The following PLCXD3 variants were observed in gnomAD, a reference collection of about 807,000 sequenced individuals.
PLCXD3 encodes phosphatidylinositol specific phospholipase C X domain containing 3, also known as PI-PLC X domain-containing protein 3.
A neutral mutation model predicts 25.5 loss-of-function variants in PLCXD3; 19 were observed. That is an observed-to-expected ratio of 0.75 (90% CI 0.52 to 1.09). The LOEUF (loss-of-function observed/expected upper bound fraction) is 1.09, where lower values mean the gene tolerates loss of function less well. Ranked by LOEUF, PLCXD3 falls within the 50% of genes least tolerant of loss-of-function variation. The pLI, the probability that PLCXD3 is intolerant of heterozygous loss-of-function variation, is 0.00. For missense variants in PLCXD3, 411 were observed against 388.1 expected (o/e 1.06, Z -0.50); for synonymous variants, 174 against 137.6 (o/e 1.26, Z -1.85).
At chr5:41,403,401 G>GTTTGTTTTGTTTTTGTTT (rs1554047951) in intron 1 of PLCXD3, among the ~76,000 whole-genome samples, 16 of 18,394 alleles carry the variant, frequency 8.7e-4, no homozygotes, top group Non-Finnish European at 1.7e-3. Context: ...CTTATTTGTT[G>GTTTGTTTTGTTTTTGTTT]TTTTTTTTTT....
chr5:41,466,522 C>T (rs1390761832), intron 1 of PLCXD3, among the ~76,000 whole-genome samples: 1 of 152,012 alleles, frequency 6.6e-6, no homozygotes, highest in Non-Finnish European at 1.5e-5. Flanking sequence ...ACATATCCAT[C>T]ATCTCACTTA....
intron 1 of PLCXD3, among the ~76,000 whole-genome samples, chr5:41,401,504 T>C (rs906220075): frequency 1.3e-5 from 2 of 152,070 alleles, no homozygotes; most frequent in Non-Finnish European, 2.9e-5. Context: ...TAATTGACCA[T>C]ATGTGTATGG....
chr5:41,427,810 T>C lies in PLCXD3; in HGVS notation c.104-45276A>G, dbSNP rs138788529. On this transcript the variant is annotated intron_variant, in intron 1 of 2. Coordinates refer to ENST00000377801, the MANE Select transcript of PLCXD3 (RefSeq NM_001005473.3). ...ATCATTCACATGGGAACAACTCTTA[T>C]GGTGATTTCTCAGCCTACAATTGAA... Among the ~76,000 whole-genome samples, 400 of 152,300 alleles carry C rather than the reference T, an allele frequency of 2.6e-3. 2 individuals carry two copies. The highest frequency in any genetic ancestry group is 9.1e-3 in the African/African-American group (380 of 41,576).
At chr5:41,369,247 A>G (rs1464607350) in intron 2 of PLCXD3, among the ~76,000 whole-genome samples, 1 of 152,178 alleles carries the variant, frequency 6.6e-6, no homozygotes, top group South Asian at 2.1e-4. Flanking sequence ...CTAAGTTTTC[A>G]GGATACTTAA....
intron 2 of PLCXD3, among the ~76,000 whole-genome samples, chr5:41,314,669 A>G (rs942496720): frequency 1.3e-5 from 2 of 152,178 alleles, no homozygotes; most frequent in African/African-American, 4.8e-5. Context: ...TTGCCATGGC[A>G]CTAATGGGGT....
chr5:41,455,116 G>A (rs1032324962), intron 1 of PLCXD3, among the ~76,000 whole-genome samples: 1 of 151,906 alleles, frequency 6.6e-6, no homozygotes, highest in African/African-American at 2.4e-5. Flanking sequence ...CTTGGTACAT[G>A]AGGATCATGG....
chr5:41,465,697 C>A (rs889910346), intron 1 of PLCXD3, among the ~76,000 whole-genome samples: 4 of 151,878 alleles, frequency 2.6e-5, no homozygotes, highest in Admixed American at 2.0e-4. Flanking sequence ...TCTAAGCAGG[C>A]ATGGGGGCCA....
chr5:41,510,432 G>A lies in PLCXD3; in HGVS notation c.95C>T (p.Ala32Val). The stretch of plus-strand genomic sequence containing the variant: ...AGCCCCTGCGCGCCTACCTGGAATG[G>A]CTAAATTGGTGAGGGGGATGCTGTG... The part of the protein sequence containing the change: ...SMHSIPLTNL[A>V]IPGSHDSFSF... Residue 32 changes from alanine to valine, a missense_variant, in exon 1 of 3, where the codon GCC becomes GTC. By Grantham distance (64) the Ala-to-Val change is moderately conservative. Transcript: ENST00000377801. 6.2e-7 allele frequency: 1 copy of A among 1,608,586 alleles called. No homozygotes were observed. Among genetic ancestry groups the A allele is most frequent in the Non-Finnish European group, 8.5e-7 (1 of 1,177,424 alleles).
chr5:41,493,593 C>G (rs1234631706), intron 1 of PLCXD3, among the ~76,000 whole-genome samples: 1 of 152,238 alleles, frequency 6.6e-6, no homozygotes, highest in East Asian at 1.9e-4. Flanking sequence ...CCACCCAGTT[C>G]GAGCTTTCTG....
At chr5:41,373,190 C>T (rs937017540) in intron 2 of PLCXD3, among the ~76,000 whole-genome samples, 1 of 152,086 alleles carries the variant, frequency 6.6e-6, no homozygotes, top group Non-Finnish European at 1.5e-5. Flanking sequence ...ATCCAACTTC[C>T]CCACTTTTTT....
chr5:41,463,061 A>G (rs565970286), intron 1 of PLCXD3, among the ~76,000 whole-genome samples: 1 of 152,060 alleles, frequency 6.6e-6, no homozygotes, highest in Non-Finnish European at 1.5e-5. Context: ...GAAAAGTAAG[A>G]AACTAGAAAT....
At chr5:41,455,288 C>G (rs750145984) in intron 1 of PLCXD3, among the ~76,000 whole-genome samples, 3 of 151,896 alleles carry the variant, frequency 2.0e-5, no homozygotes, top group Non-Finnish European at 4.4e-5. Context: ...TACAGCAGTT[C>G]TAGGAAACTC....
chr5:41,373,689 T>C (rs1745194640), intron 2 of PLCXD3, among the ~76,000 whole-genome samples: 1 of 152,114 alleles, frequency 6.6e-6, no homozygotes, highest in Non-Finnish European at 1.5e-5. Flanking sequence ...TTTCCTCTTC[T>C]TCTTCTTCTT....
In PLCXD3 at chr5:41,440,629, G is replaced by A. The variant is rs183589853; in HGVS notation, c.104-58095C>T. The stretch of plus-strand genomic sequence containing the variant: ...TGTCTTACTGATTCTATAAGTCTAT[G>A]TATATATGTACATAGAGGAGTGTGT... On this transcript the variant is annotated intron_variant, in intron 1 of 2. Coordinates refer to ENST00000377801, the MANE Select transcript of PLCXD3 (RefSeq NM_001005473.3). 8.1e-4 allele frequency among the ~76,000 whole-genome samples: 123 copies of A among 152,244 alleles called. 1 individual carries two copies. The highest frequency in any genetic ancestry group is 2.8e-3 in the African/African-American group (115 of 41,546).
intron 1 of PLCXD3, among the ~76,000 whole-genome samples, chr5:41,510,112 T>C (rs1262279885): frequency 6.6e-6 from 1 of 151,880 alleles, no homozygotes; most frequent in African/African-American, 2.4e-5. Flanking sequence ...GGAGAAACCA[T>C]AGGAGGGGGT....
intron 2 of PLCXD3, among the ~76,000 whole-genome samples, chr5:41,368,106 T>C (rs1437992581): frequency 6.6e-6 from 1 of 152,220 alleles, no homozygotes; most frequent in Non-Finnish European, 1.5e-5. Context: ...GGAATGTTTT[T>C]CCATTTGTTT....
At chr5:41,497,581 T>C (rs1181329318) in intron 1 of PLCXD3, among the ~76,000 whole-genome samples, 2 of 151,698 alleles carry the variant, frequency 1.3e-5, no homozygotes, top group East Asian at 1.9e-4. Context: ...CATACAGTAA[T>C]AGGAAAAAAT....
chr5:41,435,421 C>T (rs1747224346), intron 1 of PLCXD3, among the ~76,000 whole-genome samples: 1 of 152,172 alleles, frequency 6.6e-6, no homozygotes, highest in Non-Finnish European at 1.5e-5. Flanking sequence ...TAGTGTCTGG[C>T]TGCATTGTGT....
intron 1 of PLCXD3, among the ~76,000 whole-genome samples, chr5:41,401,321 A>T: frequency 6.6e-6 from 1 of 152,060 alleles, no homozygotes; most frequent in East Asian, 1.9e-4. Context: ...TTTCTTCTGG[A>T]AGTTTTATAG....
Sources: gnomAD v4.1 joint callset for allele counts (sites outside exome capture counted in the v4.1 genomes callset) on GRCh38, gnomAD v4.1.1 for gene constraint, MANE v1.5 for transcripts, NCBI Gene and HGNC (gene_info 2026-07-23, HGNC 2026-07-21) for gene names.